MKNK1: variants seen among roughly 807,000 people sequenced by gnomAD.
The protein encoded by MKNK1 is MAPK interacting serine/threonine kinase 1.
In MKNK1, 30 loss-of-function variants were observed where a neutral mutation model predicts 49.3. The observed-to-expected ratio is 0.61, with a 90% CI of 0.46 to 0.83. The LOEUF is 0.83. MKNK1 is among the 40% of genes least tolerant of loss of function. The pLI, the probability that MKNK1 is intolerant of heterozygous loss-of-function variation, is 0.00. For missense variants in MKNK1, 423 were observed against 524.7 expected, an observed-to-expected ratio of 0.81 and a Z score of 1.89; for synonymous variants, 176 against 201.7, an observed-to-expected ratio of 0.87 and a Z score of 1.08.
chr1:46,577,162 T>C (rs1671090488), intron 4 of MKNK1, among the ~76,000 whole-genome samples: 1 of 152,156 alleles, frequency 6.6e-6, no homozygotes, highest in Admixed American at 6.5e-5. Flanking sequence ...GAGAACTTAC[T>C]CTCTGGCAGA....
chr1:46,602,151 T>C (rs6687832), intron 1 of MKNK1, among the ~76,000 whole-genome samples: 78,452 of 152,112 alleles, frequency 0.52, 21,021 homozygotes, highest in East Asian at 0.94. Flanking sequence ...TTGGCTCACA[T>C]CTGTAGTACC....
chr1:46,576,107 C>G, intron 5 of MKNK1: 1 of 157,120 alleles, frequency 6.4e-6, no homozygotes, highest in East Asian at 1.9e-4. Context: ...AGAGATGAGC[C>G]GGACCCAGCT....
chr1:46,558,864 C>T (rs1400181542), intron 12 of MKNK1, 64 bp from the exon 13 acceptor site: 12 of 1,388,376 alleles, frequency 8.6e-6, no homozygotes, highest in East Asian at 2.3e-5. Context: ...AGGCCAGCTC[C>T]GGGACACTCC....
At chr1:46,568,847 T>C (rs1288526187) in intron 7 of MKNK1, 4 of 223,104 alleles carry the variant, frequency 1.8e-5, no homozygotes, top group Non-Finnish European at 3.5e-5. Context: ...GGAACAGCAA[T>C]GCAGAAATAA....
Position 46,594,008 on chromosome 1 carries a change from G to C in MKNK1, c.-3+105C>G, listed in dbSNP as rs1465015666. On this transcript the variant is annotated intron_variant, in intron 2 of 12. Coordinates refer to ENST00000371945, the MANE Select transcript of MKNK1 (RefSeq NM_001135553.4). ...CCGCTATTCCTAGCTAACTAACTAAGTGCTGAAAACCACGGTCTCTTACCC... is the reference window on the plus strand; with the variant it reads ...CCGCTATTCCTAGCTAACTAACTAACTGCTGAAAACCACGGTCTCTTACCC... The C allele has an allele frequency of 6.2e-6, 5 of 808,394 alleles. No homozygotes were observed. In the Admixed American group the frequency reaches 1.1e-4, roughly 17 times the overall value. 50.1% of individuals were successfully genotyped at this position (808,394 alleles called of 1,614,324 possible).
At chr1:46,583,560 T>C (rs992326225) in intron 2 of MKNK1, among the ~76,000 whole-genome samples, 1 of 152,020 alleles carries the variant, frequency 6.6e-6, no homozygotes. Flanking sequence ...GCAGGCTAGA[T>C]TAAAAGAGGC....
intron 1 of MKNK1, among the ~76,000 whole-genome samples, chr1:46,597,998 A>G (rs1170058350): frequency 6.6e-6 from 1 of 152,216 alleles, no homozygotes; most frequent in Admixed American, 6.5e-5. Flanking sequence ...AGAGAAGATG[A>G]GGTTTAACTG....
intron 2 of MKNK1, chr1:46,585,885 T>C: frequency 7.4e-7 from 1 of 1,351,938 alleles, no homozygotes; most frequent in Non-Finnish European, 9.9e-7. Flanking sequence ...TGGTATATTC[T>C]GCATGGATTT....
At chr1:46,602,283 A>G (rs538564707) in intron 1 of MKNK1, among the ~76,000 whole-genome samples, 10 of 152,296 alleles carry the variant, frequency 6.6e-5, no homozygotes, top group African/African-American at 9.6e-5. Context: ...GTGGTGGCTC[A>G]TGCCTGTAAT....
chr1:46,561,719 G>C, intron 10 of MKNK1, 77 bp from the exon 11 acceptor site: 1 of 1,511,364 alleles, frequency 6.6e-7, no homozygotes, highest in African/African-American at 1.4e-5. Context: ...TTGATCAACC[G>C]GCTTCAATTG....
intron 2 of MKNK1, chr1:46,585,898 A>G (rs530868677): frequency 1.0e-5 from 14 of 1,362,558 alleles, no homozygotes; most frequent in Non-Finnish European, 1.4e-5. Flanking sequence ...ATGGATTTCA[A>G]TGAAAGAGGG....
At chr1:46,565,440 C>T in intron 8 of MKNK1, 1 of 388,936 alleles carries the variant, frequency 2.6e-6, no homozygotes, top group Non-Finnish European at 4.9e-6. Flanking sequence ...GTACAGGTTG[C>T]AGCACAGCAG....
chr1:46,565,034 T>C lies in MKNK1; in HGVS notation c.609+7A>G. 1.2e-6 allele frequency: 2 copies of C among 1,612,350 alleles called. No individual in the cohort carries two copies. Among genetic ancestry groups the C allele is most frequent in the Non-Finnish European group, 1.7e-6 (2 of 1,178,414 alleles). On this transcript the variant is annotated splice_region_variant and intron_variant, in intron 9 of 12. Transcript: ENST00000371945. ...AATACTTAGGAGCCCAGAGGAAGCA[T>C]ACGTACTGGGGTGGTCAGCTCTGGT...
Position 46,562,752 on chromosome 1 carries a change from A to G in MKNK1, c.701T>C (p.Leu234Pro), listed in dbSNP as rs1256583632. 1 of 1,608,880 alleles carries G rather than the reference A, an allele frequency of 6.2e-7. No homozygotes were observed. The highest frequency in any genetic ancestry group is 1.3e-5 in the African/African-American group (1 of 74,998). ...CAGCATGATGTAGAGGACCACGCCC[A>G]GGCTCCACAGGTCACAGCGCTTGTC... ...FYDKRCDLWSLGVVLYIMLSG... is the reference protein window; with the variant it reads ...FYDKRCDLWSPGVVLYIMLSG... The change falls in exon 10 of 13, where the codon CTG (leucine) becomes CCG (proline). Residue 234 changes from leucine (L) to proline (P), a missense_variant. Transcript: ENST00000371945.
intron 2 of MKNK1, among the ~76,000 whole-genome samples, chr1:46,592,725 A>G (rs1443064057): frequency 6.6e-6 from 1 of 152,190 alleles, no homozygotes; most frequent in Non-Finnish European, 1.5e-5. Context: ...CTACCAAATG[A>G]CTGAAGAAGG....
chr1:46,564,874 G>A (rs1053697363), intron 9 of MKNK1, among the ~76,000 whole-genome samples, 167 bp downstream of exon 9: 1 of 152,130 alleles, frequency 6.6e-6, no homozygotes, highest in Admixed American at 6.5e-5. Context: ...AAGGGGTCAG[G>A]GGAGGCTTGA....
intron 1 of MKNK1, among the ~76,000 whole-genome samples, chr1:46,602,191 C>A (rs1674820948): frequency 6.6e-6 from 1 of 152,186 alleles, no homozygotes; most frequent in African/African-American, 2.4e-5. Context: ...GCAGGCGGAT[C>A]ACCTGAGGTC....
chr1:46,591,555 G>A (rs1329817844), intron 2 of MKNK1, among the ~76,000 whole-genome samples: 4 of 152,146 alleles, frequency 2.6e-5, no homozygotes, highest in Non-Finnish European at 5.9e-5. Flanking sequence ...GAAAGAGCAA[G>A]CAGGAGGAAA....
At chr1:46,579,201 A>C (rs1438998342) in intron 4 of MKNK1, among the ~76,000 whole-genome samples, 1 of 152,258 alleles carries the variant, frequency 6.6e-6, no homozygotes, top group African/African-American at 2.4e-5. Context: ...AGACTTGCTC[A>C]ACCTTCTAAC....
Sources: gnomAD v4.1 joint callset for allele counts (sites outside exome capture counted in the v4.1 genomes callset) on GRCh38, gnomAD v4.1.1 for gene constraint, MANE v1.5 for transcripts, NCBI Gene and HGNC (gene_info 2026-07-23, HGNC 2026-07-21) for gene names.